GGA2: variants seen among roughly 807,000 people sequenced by gnomAD.
GGA2 encodes the protein ADP-ribosylation factor-binding protein GGA2.
In GGA2, 48 loss-of-function variants were observed where a neutral mutation model predicts 79.5. The ratio of observed to expected loss-of-function variants is 0.60; its 90% CI spans 0.48 to 0.77. The LOEUF is 0.77. Among genes scored for constraint, GGA2 ranks in the 30% least tolerant of loss-of-function variants. The pLI is 0.00. For missense variants in GGA2, 770 were observed against 774.0 expected, an observed-to-expected ratio of 0.99 and a Z score of 0.06; for synonymous variants, 317 against 302.0, an observed-to-expected ratio of 1.05 and a Z score of -0.51.
chr16:23,467,684 C>CTA lies in GGA2; in HGVS notation c.1747_1748insTA (p.Arg583LeufsTer5). The CTA allele has an allele frequency of 6.3e-7, 1 of 1,589,984 alleles. No homozygotes were observed. The highest frequency in any genetic ancestry group is 8.6e-7 in the Non-Finnish European group (1 of 1,158,090). ...ACCTTGGTTGAATGTCAGCTTGTAC[C>CTA]GTAAGCGGATAGGTTCCTGGGACAG... is the stretch of plus-strand genomic sequence containing the variant. On this transcript the variant is annotated frameshift_variant, in exon 17 of 17. Transcript: ENST00000309859. LOFTEE classifies it high-confidence loss of function.
At chr16:23,493,867 G>A (rs905454390) in intron 3 of GGA2, 10 of 295,478 alleles carry the variant, frequency 3.4e-5, no homozygotes, top group African/African-American at 1.3e-4. Flanking sequence ...CCCTCCTCTC[G>A]TCCATACTGT....
rs1394679460 is a variant in GGA2, at chr16:23,491,736, G to GT, written c.415dup (p.Thr139AsnfsTer28). ...CTTGATGTCTTCCGGAAACCAGACT[G>GT]TCCAACTGAAGAGTATTTCAATGAC... On this transcript the variant is annotated frameshift_variant, in exon 5 of 17. Coordinates refer to ENST00000309859, the MANE Select transcript of GGA2 (RefSeq NM_015044.4). LOFTEE classifies it high-confidence loss of function. 1.2e-6 allele frequency: 2 copies of GT among 1,610,792 alleles called. No individual in the cohort carries two copies. The highest frequency in any genetic ancestry group is 3.3e-5 in the Admixed American group (2 of 60,014).
chr16:23,468,848 G>GCC lies in GGA2; in HGVS notation c.1731+36_1731+37dup, dbSNP rs747271425. ...AGTTACCTCCCCTTACAGTTCAGGG[G>GCC]CCCCCATCTCCCTGCTACCACAGAC... On this transcript the variant is annotated intron_variant, in intron 16 of 16. Transcript: ENST00000309859. 2.1e-4 allele frequency: 269 copies of GCC among 1,277,468 alleles called. 3 individuals carry two copies. Among genetic ancestry groups the GCC allele is most frequent in the African/African-American group, 7.6e-4 (52 of 68,740 alleles). The allele number at this position is 1,277,468 out of a possible 1,614,324, so 79.1% of individuals were successfully genotyped here. A position where few individuals can be genotyped will look rare whatever the true frequency, so the allele number is the denominator to read the frequency against.
intron 16 of GGA2, 93 bp downstream of exon 16, chr16:23,468,793 A>G: frequency 2.7e-6 from 2 of 730,460 alleles, no homozygotes; most frequent in South Asian, 3.0e-5. Context: ...CTTTAGAGCA[A>G]GGCCTCAATG....
exon 1 of GGA2, chr16:23,521,878 A>C: frequency 2.2e-6 from 1 of 455,994 alleles, no homozygotes; most frequent in Non-Finnish European, 4.4e-6. Context: ...ATCAGAGTTA[A>C]GCTTGGACTC....
At chr16:23,511,038 T>TGTGTGTGTGTGTGTGTGTGC (rs1289850381), upstream of GGA2, among the ~76,000 whole-genome samples, 18 of 150,850 alleles carry the variant, frequency 1.2e-4, no homozygotes, top group African/African-American at 4.2e-4. Flanking sequence ...TGTGTGTGTG[T>TGTGTGTGTGTGTGTGTGTGC]GTGTGTGTGT....
chr16:23,475,932 G>GAA (rs1378529097), intron 13 of GGA2, among the ~76,000 whole-genome samples: 4 of 81,656 alleles, frequency 4.9e-5, no homozygotes, highest in East Asian at 3.4e-4. Context: ...TCCATCTCAG[G>GAA]AAAAAAAAAA....
At chr16:23,503,230 A>G (rs1293068124) in intron 1 of GGA2, among the ~76,000 whole-genome samples, 4 of 152,212 alleles carry the variant, frequency 2.6e-5, no homozygotes, top group Non-Finnish European at 4.4e-5. Flanking sequence ...CATAGTCTAT[A>G]GCCCTTTATA....
upstream of GGA2, among the ~76,000 whole-genome samples, chr16:23,511,728 T>C: frequency 6.6e-6 from 1 of 152,210 alleles, no homozygotes; most frequent in Non-Finnish European, 1.5e-5. Flanking sequence ...CAAAAAAGTA[T>C]GTCATGATTA....
chr16:23,509,874 CCAAA>C (rs746294032), intron 1 of GGA2, among the ~76,000 whole-genome samples: 4 of 151,664 alleles, frequency 2.6e-5, no homozygotes, highest in Admixed American at 2.0e-4. Context: ...TTTCTCAGCC[CCAAA>C]CAGACTGCAT....
chr16:23,468,136 C>T (rs1964464950), intron 16 of GGA2, among the ~76,000 whole-genome samples: 1 of 152,146 alleles, frequency 6.6e-6, no homozygotes, highest in Admixed American at 6.6e-5. Context: ...CCTTCCTTTC[C>T]TCCTTCCCTC....
At chr16:23,487,794 T>G (rs904087319) in intron 6 of GGA2, among the ~76,000 whole-genome samples, 8 of 152,110 alleles carry the variant, frequency 5.3e-5, no homozygotes, top group Admixed American at 5.2e-4. Flanking sequence ...AGGGACCTGA[T>G]GGCCACAGAG....
At position 23,496,784 on chromosome 16, in the gene GGA2, C is replaced by T. The variant is rs188713467; in HGVS notation, c.92-1006G>A. ...CCAGCCTTGCCAACATGGTGAAACCCTGTGTCTACTAAAAATACAAAAAAT... is the reference window on the plus strand; with the variant it reads ...CCAGCCTTGCCAACATGGTGAAACCTTGTGTCTACTAAAAATACAAAAAAT... On this transcript the variant is annotated intron_variant, in intron 1 of 16. Transcript: ENST00000309859. Among the ~76,000 whole-genome samples the T allele has an allele frequency of 1.8e-3, 272 of 152,188 alleles. 2 individuals are homozygous for T. Among genetic ancestry groups the T allele is most frequent in the Non-Finnish European group, 3.1e-3 (208 of 67,994 alleles).
intron 1 of GGA2, among the ~76,000 whole-genome samples, chr16:23,508,781 G>C (rs1009480083): frequency 6.6e-6 from 1 of 152,166 alleles, no homozygotes; most frequent in Non-Finnish European, 1.5e-5. Context: ...CAGCTGCCTA[G>C]AGGGCATCTC....
At chr16:23,522,196 C>G (rs1696892892), upstream of GGA2, 1 of 204,106 alleles carries the variant, frequency 4.9e-6, no homozygotes. Context: ...AGAAAGCTCC[C>G]TAGTTTTCCT....
intron 13 of GGA2, among the ~76,000 whole-genome samples, chr16:23,475,631 C>T (rs66569010): frequency 0.73 from 110,128 of 151,178 alleles, 40,793 homozygotes; most frequent in Middle Eastern, 0.81. Flanking sequence ...AGGCTGGGCA[C>T]GGTGGCTCAC....
chr16:23,520,342 T>C (rs1567374766), intron 1 of GGA2, among the ~76,000 whole-genome samples: 1 of 152,112 alleles, frequency 6.6e-6, no homozygotes, highest in Non-Finnish European at 1.5e-5. Flanking sequence ...ATTCCTATTT[T>C]ACAAACAAGA....
rs536309374 is a variant in GGA2 at position 23,465,176 on chromosome 16, C to T, written c.*2414G>A. The T allele has an allele frequency of 1.7e-5, 10 of 597,602 alleles. No homozygotes were observed. Among genetic ancestry groups the T allele is most frequent in the South Asian group, 1.2e-4 (6 of 49,854 alleles). The allele number at this position is 597,602 out of a possible 1,614,324, so 37.0% of individuals were successfully genotyped here. ...ACTAGCTTTTAAAAAAACAGAGACA[C>T]GGTCTCACTATGTAGCCCAGGCTGG... On this transcript the variant is annotated 3_prime_UTR_variant, in exon 17 of 17. Transcript: ENST00000309859.
intron 4 of GGA2, among the ~76,000 whole-genome samples, chr16:23,493,108 T>G (rs1964810020): frequency 6.6e-6 from 1 of 152,226 alleles, no homozygotes; most frequent in Non-Finnish European, 1.5e-5. Context: ...AAGCTGGAGT[T>G]CCTCATCTCC....
Sources: gnomAD v4.1 joint callset for allele counts (sites outside exome capture counted in the v4.1 genomes callset) on GRCh38, gnomAD v4.1.1 for gene constraint, MANE v1.5 for transcripts, NCBI Gene and HGNC (gene_info 2026-07-23, HGNC 2026-07-21) for gene names.